Variants in DDX20 observed in about 807,000 individuals in gnomAD.
The protein encoded by DDX20 is DEAD-box helicase 20.
In DDX20, 61 loss-of-function variants were observed where a neutral mutation model predicts 76.4. The ratio of observed to expected loss-of-function variants is 0.80; its 90% CI spans 0.65 to 0.99. The LOEUF (loss-of-function observed/expected upper bound fraction) is 0.99. Ranked by LOEUF, DDX20 falls within the 50% of genes least tolerant of loss-of-function variation. DDX20 has a pLI of 0.00. For synonymous variants in DDX20, 357 were observed against 357.4 expected (o/e 1.00, Z 0.01); for missense variants, 976 against 996.8 (o/e 0.98, Z 0.28).
Position 111,755,987 on chromosome 1 carries a change from G to T in DDX20, c.63G>T (p.Glu21Asp). The T allele has an allele frequency of 6.2e-7, 1 of 1,605,436 alleles. No homozygotes were observed. Among genetic ancestry groups the T allele is most frequent in the Non-Finnish European group, 8.5e-7 (1 of 1,174,518 alleles). Residue 21 changes from glutamate to aspartate, a missense_variant, in exon 1 of 11, where the codon GAG (glutamate) becomes GAT (aspartate). By Grantham distance (45) the Glu-to-Asp change is conservative. Transcript: ENST00000369702. Reference sequence around the variant, plus strand: ...CAGTGGCGACTGCTATGCCGGCTGAGCATGTGGCCGTGCAGGTCCCGGCCC... The same window carrying T: ...CAGTGGCGACTGCTATGCCGGCTGATCATGTGGCCGTGCAGGTCCCGGCCC... ...LAAVATAMPA[E>D]HVAVQVPAPE...
At position 111,759,879 on chromosome 1, in the gene DDX20, C is replaced by T. The variant is rs1294516986; in HGVS notation, c.565+311C>T. Among the ~76,000 whole-genome samples, 3 of 147,496 alleles carry T rather than the reference C, an allele frequency of 2.0e-5. No homozygotes were observed. In the South Asian group the frequency reaches 6.4e-4, roughly 31 times the overall value. On this transcript the variant is annotated intron_variant, in intron 3 of 10. Coordinates refer to ENST00000369702, the MANE Select transcript of DDX20 (RefSeq NM_007204.5). ...GTCCCAGCTACTCGGGAGGCTGAGG[C>T]AGGAGAATGGCGTGAACCCGGGAGG...
rs1197873192 is a variant in DDX20, at chr1:111,756,065, C to T, written c.141C>T (p.Ser47=). 6.2e-7 allele frequency: 1 copy of T among 1,607,970 alleles called. No homozygotes were observed. Among genetic ancestry groups the T allele is most frequent in the Admixed American group, 1.7e-5 (1 of 59,894 alleles). The stretch of plus-strand genomic sequence containing the variant: ...TCCTGCGGACCGCTCAGGATCTCAG[C>T]AGCCCGCGGACCCGCACGGGGGATG... ...VRILRTAQDL[S]SPRTRTGDVL... is the part of the protein sequence containing the mutation. The change falls in exon 1 of 11, where the codon AGC becomes AGT. Residue 47 remains serine, a synonymous_variant. Transcript: ENST00000369702.
rs1296779679 is a variant in DDX20 at position 111,756,716 on chromosome 1, T to C, written c.372T>C (p.Leu124=). The C allele has an allele frequency of 1.2e-6, 2 of 1,614,160 alleles. No homozygotes were observed. The highest frequency in any genetic ancestry group is 3.3e-5 in the Admixed American group (2 of 60,030). ...TCTCCACCATAGCTTTGGACTCTCT[T>C]GTTCTTGAAAACTTAAGTACCCAGG... is the stretch of plus-strand genomic sequence containing the variant. ...CVFSTIALDS[L]VLENLSTQIL... Residue 124 remains leucine (L), a synonymous_variant, in exon 2 of 11, where the codon CTT becomes CTC. Coordinates refer to ENST00000369702, the MANE Select transcript of DDX20 (RefSeq NM_007204.5).
At chr1:111,761,873 C>CT (rs1663683688) in intron 7 of DDX20, 1 of 160,448 alleles carries the variant, frequency 6.2e-6, no homozygotes, top group Admixed American at 6.4e-5. Context: ...ACTGGGGAGA[C>CT]TATTTTCTAA....
intron 2 of DDX20, 87 bp downstream of exon 2, chr1:111,756,827 G>A (rs573700277): frequency 5.5e-4 from 619 of 1,118,174 alleles, no homozygotes; most frequent in Non-Finnish European, 6.7e-4. Context: ...CTCAGAGCTG[G>A]AAGTGAATTT....
chr1:111,765,689 C>G lies in DDX20; in HGVS notation c.1313-48C>G. 2.7e-6 allele frequency: 4 copies of G among 1,473,794 alleles called. No homozygotes were observed. The Middle Eastern group carries it at 7.2e-4, about 265-fold the overall frequency. 91.3% of individuals were successfully genotyped at this position (1,473,794 alleles called of 1,614,324 possible). A position where few individuals can be genotyped will look rare whatever the true frequency, so the allele number is the denominator to read the frequency against. On this transcript the variant is annotated intron_variant, in intron 10 of 10. Coordinates refer to ENST00000369702, the MANE Select transcript of DDX20 (RefSeq NM_007204.5). ...ATGAAATCATTCAGAAAACAGTGGTCTAGAGTAGCTTGAGAATTTTAATAC... is the reference window on the plus strand; with the variant it reads ...ATGAAATCATTCAGAAAACAGTGGTGTAGAGTAGCTTGAGAATTTTAATAC...
In DDX20 at chr1:111,766,714, C is replaced by CT. The variant is rs754928267; in HGVS notation, c.2291dup (p.Ser765GlufsTer4). On this transcript the variant is annotated frameshift_variant, in exon 11 of 11. Transcript: ENST00000369702. LOFTEE classifies it high-confidence loss of function. Reference sequence around the variant, plus strand: ...GTATGACTGTCATAGGGAAATACGTCTGAGTTTTTCTGATACCTATCAGGA... The same window carrying CT: ...GTATGACTGTCATAGGGAAATACGTCTTGAGTTTTTCTGATACCTATCAGGA... 6.2e-6 allele frequency: 10 copies of CT among 1,614,048 alleles called. No individual in the cohort carries two copies. The South Asian group carries it at 6.6e-5, about 11-fold the overall frequency.
rs1166543273 is a variant in DDX20, at chr1:111,766,217, A to G, written c.1793A>G (p.Tyr598Cys). The change falls in exon 11 of 11, where the codon TAT becomes TGT. Residue 598 changes from tyrosine to cysteine, a missense_variant. By Grantham distance (194) the Tyr-to-Cys change is radical (BLOSUM62 -2). Transcript: ENST00000369702. ...ACTTTTGCTGAATTGGTAGAGGATT[A>G]TGAACATTATATTAAAGAGGGGTTA... ...TLTFAELVED[Y>C]EHYIKEGLEK... 3.7e-6 allele frequency: 6 copies of G among 1,614,104 alleles called. No individual in the cohort carries two copies. The African/African-American group carries it at 5.3e-5, about 14-fold the overall frequency.
rs555515892 is a variant in DDX20 at position 111,762,272 on chromosome 1, C to T, written c.1039C>T (p.Gln347Ter). The change falls in exon 8 of 11, where the codon CAG (glutamine) becomes TAG (stop). Residue 347 changes from glutamine to a stop codon, truncating the protein, a stop_gained. Coordinates refer to ENST00000369702, the MANE Select transcript of DDX20 (RefSeq NM_007204.5). LOFTEE classifies it high-confidence loss of function. ...ECISGNMNQN[Q>*]RLDAMAKLKH... is the part of the protein sequence containing the mutation. ...CCTTTTAGGCAATATGAATCAGAAT[C>T]AGCGTCTTGATGCTATGGCTAAACT... The T allele has an allele frequency of 1.2e-6, 2 of 1,613,056 alleles. No homozygotes were observed. Among genetic ancestry groups the T allele is most frequent in the South Asian group, 1.1e-5 (1 of 90,830 alleles).
chr1:111,762,224 T>A (rs377607299), intron 7 of DDX20, 31 bp from the exon 8 acceptor site: 1 of 1,587,404 alleles, frequency 6.3e-7, no homozygotes, highest in Non-Finnish European at 8.6e-7. Context: ...CTTAGTTGTT[T>A]TTATGTGACT....
chr1:111,759,300 GATC>G, intron 2 of DDX20, 97 bp from the exon 3 acceptor site: 1 of 921,380 alleles, frequency 1.1e-6, no homozygotes, highest in Non-Finnish European at 1.6e-6. Context: ...CATTTGAAAT[GATC>G]ATTTAAATGA....
rs529837455 is a variant in DDX20, at chr1:111,757,605, A to G, written c.396+865A>G. Among the ~76,000 whole-genome samples the G allele has an allele frequency of 5.2e-4, 79 of 152,304 alleles. 1 individual carries two copies. In the South Asian group the frequency reaches 0.016, roughly 32 times the overall value. On this transcript the variant is annotated intron_variant, in intron 2 of 10. Coordinates refer to ENST00000369702, the MANE Select transcript of DDX20 (RefSeq NM_007204.5). ...AGTTGTTATGGCAGACTGTATTTCAAGTTCTCAGGCATTGGTATATCTGAT... is the reference window on the plus strand; with the variant it reads ...AGTTGTTATGGCAGACTGTATTTCAGGTTCTCAGGCATTGGTATATCTGAT...
At position 111,767,914 on chromosome 1, in the gene DDX20, C is replaced by T. The variant is rs1465928978; in HGVS notation, c.*1015C>T. On this transcript the variant is annotated 3_prime_UTR_variant, in exon 11 of 11. Transcript: ENST00000369702. The stretch of plus-strand genomic sequence containing the variant: ...TCTAGAAAATTTTCCCCAGTTTTTA[C>T]CTCTAATGTTAGGATCCAAGAGGAG... The T allele has an allele frequency of 1.3e-5, 2 of 152,098 alleles. No individual in the cohort carries two copies. Among genetic ancestry groups the T allele is most frequent in the Non-Finnish European group, 2.9e-5 (2 of 67,992 alleles). The allele number at this position is 152,098 out of a possible 1,614,324, so 9.4% of individuals were successfully genotyped here. A position where few individuals can be genotyped will look rare whatever the true frequency, so the allele number is the denominator to read the frequency against.
chr1:111,760,952 A>G, intron 5 of DDX20, 35 bp from the exon 6 acceptor site: 1 of 1,607,302 alleles, frequency 6.2e-7, no homozygotes, highest in South Asian at 1.1e-5. Context: ...CCATTAGCAT[A>G]TATATTTGTT....
chr1:111,760,929 T>C lies in DDX20; in HGVS notation c.824-58T>C, dbSNP rs1663660557. On this transcript the variant is annotated intron_variant, in intron 5 of 10. Coordinates refer to ENST00000369702, the MANE Select transcript of DDX20 (RefSeq NM_007204.5). The stretch of plus-strand genomic sequence containing the variant: ...TTTCCCTTGCCTAGTTTTGTCTTGC[T>C]GTTTCATGGTTACCATTAGCATATA... The C allele has an allele frequency of 2.5e-6, 4 of 1,597,416 alleles. No homozygotes were observed. In the South Asian group the frequency reaches 4.6e-5, roughly 18 times the overall value.
chr1:111,756,260 G>T, intron 1 of DDX20, 35 bp downstream of exon 1: 1 of 1,322,264 alleles, frequency 7.6e-7, no homozygotes, highest in Non-Finnish European at 9.8e-7. Context: ...TCGGGGGGTG[G>T]GGTGGGAGAA....
chr1:111,765,493 T>C (rs114158925), intron 10 of DDX20, among the ~76,000 whole-genome samples: 2,679 of 152,286 alleles, frequency 0.018, 40 homozygotes, highest in Middle Eastern at 0.044. Flanking sequence ...GCTCTTTTTC[T>C]AGTGAGAGTG....
At chr1:111,761,947 T>A in intron 7 of DDX20, 2 of 214,970 alleles carry the variant, frequency 9.3e-6, no homozygotes, top group Non-Finnish European at 1.8e-5. Flanking sequence ...GATTAAAGCA[T>A]TTTTATTTTC....
At position 111,756,620 on chromosome 1, in the gene DDX20, G is replaced by C. The variant is rs372611151; in HGVS notation, c.302-26G>C. The C allele has an allele frequency of 1.2e-4, 186 of 1,606,944 alleles. No individual in the cohort carries two copies. The African/African-American group carries it at 2.1e-3, about 19-fold the overall frequency. Reference sequence around the variant, plus strand: ...AAGTTGCTTCAGTGAGTACTGGCTAGTGATAATTGTTTTTTTCCTTCGCAG... The same window carrying C: ...AAGTTGCTTCAGTGAGTACTGGCTACTGATAATTGTTTTTTTCCTTCGCAG... On this transcript the variant is annotated intron_variant, in intron 1 of 10. Coordinates refer to ENST00000369702, the MANE Select transcript of DDX20 (RefSeq NM_007204.5).
Sources: gnomAD v4.1 joint callset for allele counts (sites outside exome capture counted in the v4.1 genomes callset) on GRCh38, gnomAD v4.1.1 for gene constraint, MANE v1.5 for transcripts, NCBI Gene and HGNC (gene_info 2026-07-23, HGNC 2026-07-21) for gene names.